CRCP: variants seen among roughly 807,000 people sequenced by gnomAD.
CRCP encodes the protein CGRP receptor component.
A neutral mutation model predicts 18.5 loss-of-function variants in CRCP; 18 were observed. The ratio of observed to expected loss-of-function variants is 0.97; its 90% CI spans 0.67 to 1.44. The LOEUF (loss-of-function observed/expected upper bound fraction) is 1.44, where lower values mean the gene tolerates loss of function less well. CRCP is among the 40% of genes most tolerant of loss of function. The pLI is 0.00. For synonymous variants in CRCP, 53 were observed against 62.9 expected (o/e 0.84, Z 0.75); for missense variants, 130 against 176.4 (o/e 0.74, Z 1.49).
At chr7:66,121,040 A>C (rs550482581) in intron 1 of CRCP, among the ~76,000 whole-genome samples, 2,565 of 142,790 alleles carry the variant, frequency 0.018, 83 homozygotes, top group African/African-American at 0.061. Flanking sequence ...AATACATAAT[A>C]ATAATAATAA....
intron 1 of CRCP, among the ~76,000 whole-genome samples, chr7:66,117,257 C>G (rs1787297291): frequency 1.3e-5 from 2 of 152,000 alleles, no homozygotes; most frequent in African/African-American, 4.8e-5. Flanking sequence ...ATGTATGTTC[C>G]TTTGCGTATT....
In CRCP at chr7:66,152,445, T is replaced by C; in HGVS notation, c.*88T>C. On this transcript the variant is annotated 3_prime_UTR_variant, in exon 6 of 6. Transcript: ENST00000395326. ...TTGAGAGGATTGTTTATTTGATTTT[T>C]ATCCTCATCCCAGCAGGCCTGGCTT... 1 of 1,458,836 alleles carries C rather than the reference T, an allele frequency of 6.9e-7. No homozygotes were observed. The highest frequency in any genetic ancestry group is 9.4e-7 in the Non-Finnish European group (1 of 1,067,894). The allele number at this position is 1,458,836 out of a possible 1,614,324, so 90.4% of individuals were successfully genotyped here. A position where few individuals can be genotyped will look rare whatever the true frequency, so the allele number is the denominator to read the frequency against.
Position 66,130,817 on chromosome 7 carries a change from A to T in CRCP, c.119A>T (p.Gln40Leu). 1.3e-6 allele frequency: 2 copies of T among 1,599,070 alleles called. No individual in the cohort carries two copies. Among genetic ancestry groups the T allele is most frequent in the African/African-American group, 1.3e-5 (1 of 74,712 alleles). ...AAGAATAAACACAGCTCTGGGCAAC[A>T]GAACTTGAACACTATCACCTATGAA... ...SGKNKHSSGQ[Q>L]NLNTITYETL... The change falls in exon 3 of 6, where the codon CAG (glutamine) becomes CTG (leucine). Residue 40 changes from glutamine (Q) to leucine (L), a missense_variant. Gln to Leu is a moderately radical substitution (Grantham distance 113). Coordinates refer to ENST00000395326, the MANE Select transcript of CRCP (RefSeq NM_014478.5).
chr7:66,135,400 G>C (rs1787942126), intron 4 of CRCP, among the ~76,000 whole-genome samples: 1 of 152,150 alleles, frequency 6.6e-6, no homozygotes. Context: ...AAGGAAATGT[G>C]ATAATGTAGA....
Position 66,122,303 on chromosome 7 carries a change from T to TGGCGGAGTTTGCGGTG in CRCP, c.9-5400_9-5385dup, listed in dbSNP as rs1239313722. 7.8e-4 allele frequency among the ~76,000 whole-genome samples: 104 copies of TGGCGGAGTTTGCGGTG among 132,500 alleles called. No homozygotes were observed. The Admixed American group carries it at 9.5e-3, about 12-fold the overall frequency. The allele number at this position is 132,500 out of a possible 152,430, so 86.9% of individuals were successfully genotyped here. The stretch of plus-strand genomic sequence containing the variant: ...GGCAGGAGAATGGCATGAACCCGGG[T>TGGCGGAGTTTGCGGTG]GGCGGAGTTTGCGGTGAGCTGAGAT... On this transcript the variant is annotated intron_variant, in intron 1 of 5. Coordinates refer to ENST00000395326, the MANE Select transcript of CRCP (RefSeq NM_014478.5).
intron 2 of CRCP, among the ~76,000 whole-genome samples, chr7:66,129,751 GT>G (rs1787735288): frequency 6.6e-6 from 1 of 152,094 alleles, no homozygotes; most frequent in South Asian, 2.1e-4. Flanking sequence ...GTGTTTGGGT[GT>G]TTTATCCATT....
At chr7:66,140,017 AGAAAAGG>A (rs747486226) in intron 4 of CRCP, among the ~76,000 whole-genome samples, 3 of 152,256 alleles carry the variant, frequency 2.0e-5, no homozygotes, top group East Asian at 1.9e-4. Flanking sequence ...CAGGGAAAGT[AGAAAAGG>A]GAAAAGGGAA....
chr7:66,124,438 G>A (rs1440324456), intron 1 of CRCP, among the ~76,000 whole-genome samples: 1 of 152,060 alleles, frequency 6.6e-6, no homozygotes, highest in African/African-American at 2.4e-5. Context: ...TTAACATTTT[G>A]ATTCTGATAT....
intron 4 of CRCP, 158 bp downstream of exon 4, chr7:66,134,532 G>T: frequency 3.3e-5 from 15 of 454,542 alleles, no homozygotes; most frequent in East Asian, 4.0e-5. Context: ...AGGGACTAGA[G>T]TAAGGAACAA....
intron 1 of CRCP, chr7:66,120,667 T>C (rs1456188222): frequency 6.6e-6 from 1 of 151,914 alleles, no homozygotes; most frequent in Non-Finnish European, 1.5e-5. Flanking sequence ...ACTTCATGGA[T>C]CTCCTTATAC....
chr7:66,135,206 C>G (rs576807369), intron 4 of CRCP, among the ~76,000 whole-genome samples: 1 of 152,188 alleles, frequency 6.6e-6, no homozygotes, highest in Non-Finnish European at 1.5e-5. Context: ...ACCAATAGTT[C>G]TACTCTTAAA....
intron 4 of CRCP, among the ~76,000 whole-genome samples, chr7:66,139,137 A>G (rs951367936): frequency 6.6e-6 from 1 of 151,908 alleles, no homozygotes. Flanking sequence ...TTTTTTTAGT[A>G]GAGATAAGGT....
chr7:66,141,339 T>C (rs1387639405), intron 4 of CRCP, among the ~76,000 whole-genome samples: 1 of 152,150 alleles, frequency 6.6e-6, no homozygotes, highest in Non-Finnish European at 1.5e-5. Flanking sequence ...TTTTTCATAG[T>C]CATTAACCAC....
At chr7:66,128,969 A>AG (rs1326354952) in intron 2 of CRCP, among the ~76,000 whole-genome samples, 1 of 152,058 alleles carries the variant, frequency 6.6e-6, no homozygotes. Flanking sequence ...AAGGCCAAGG[A>AG]GAGAAGATTG....
At chr7:66,121,034 C>CATCATA (rs1489640381) in intron 1 of CRCP, among the ~76,000 whole-genome samples, 2 of 145,394 alleles carry the variant, frequency 1.4e-5, no homozygotes, top group Admixed American at 7.0e-5. Context: ...GTAACTAATA[C>CATCATA]ATAATAATAA....
intron 1 of CRCP, among the ~76,000 whole-genome samples, chr7:66,120,977 A>G (rs1404907079): frequency 1.3e-5 from 2 of 152,006 alleles, no homozygotes; most frequent in Admixed American, 1.3e-4. Context: ...CAGCTCCCCT[A>G]AGTTTTTGCT....
In CRCP at chr7:66,114,911, A is replaced by C; in HGVS notation, c.-52A>C. 1 of 1,610,586 alleles carries C rather than the reference A, an allele frequency of 6.2e-7. No homozygotes were observed. The highest frequency in any genetic ancestry group is 8.5e-7 in the Non-Finnish European group (1 of 1,177,432). On this transcript the variant is annotated 5_prime_UTR_variant, in exon 1 of 6. Transcript: ENST00000395326. ...GTTGGTGGCGGCGGAGACAGCTGTG[A>C]AGTGTGAGGTTCTTTGTCTGCTGGC...
chr7:66,125,442 T>G (rs1328276109), intron 1 of CRCP, among the ~76,000 whole-genome samples: 1 of 149,532 alleles, frequency 6.7e-6, no homozygotes, highest in Non-Finnish European at 1.5e-5. Flanking sequence ...ATTCTGTGAA[T>G]ATTTAGCTGG....
chr7:66,154,166 CATT>C lies in CRCP; in HGVS notation c.*1810_*1812del, dbSNP rs756598729. ...AGGGCATACATGTGCCAATCTGTCT[CATT>C]GTTGTCTCTCTCTTTTTTTTTTTTT... On this transcript the variant is annotated 3_prime_UTR_variant, in exon 6 of 6. Coordinates refer to ENST00000395326, the MANE Select transcript of CRCP (RefSeq NM_014478.5). 2.7e-5 allele frequency: 4 copies of C among 149,298 alleles called. No homozygotes were observed. The highest frequency in any genetic ancestry group is 2.1e-4 in the South Asian group (1 of 4,732). The allele number at this position is 149,298 out of a possible 1,614,324, so 9.2% of individuals were successfully genotyped here. A position where few individuals can be genotyped will look rare whatever the true frequency, so the allele number is the denominator to read the frequency against.
Sources: allele counts gnomAD v4.1 joint callset (sites outside exome capture counted in the v4.1 genomes callset), GRCh38; gene constraint gnomAD v4.1.1; transcripts MANE v1.5; gene names NCBI Gene and HGNC (gene_info 2026-07-23, HGNC 2026-07-21).